Variants in EXOC4 observed in about 807,000 individuals in gnomAD.
The protein encoded by EXOC4 is exocyst complex component 4, also known as SEC8-like 1.
Under a neutral mutation model 107.2 loss-of-function variants are expected in EXOC4, and 71 were observed. That is an observed-to-expected ratio of 0.66 (90% CI 0.55 to 0.81). The LOEUF (loss-of-function observed/expected upper bound fraction) is 0.81. EXOC4 is among the 30% of genes least tolerant of loss of function. The pLI is 0.00. For synonymous variants in EXOC4, 456 were observed against 441.2 expected, an observed-to-expected ratio of 1.03 and a Z score of -0.42; for missense variants, 1,108 against 1,189.6, an observed-to-expected ratio of 0.93 and a Z score of 1.01.
At chr7:133,274,238 T>G (rs963888329) in intron 1 of EXOC4, among the ~76,000 whole-genome samples, 4 of 152,214 alleles carry the variant, frequency 2.6e-5, no homozygotes, top group Admixed American at 1.3e-4. Context: ...AATATGACCT[T>G]ATTTCCAGAC....
At chr7:133,378,795 A>G (rs1796550155) in intron 7 of EXOC4, among the ~76,000 whole-genome samples, 1 of 152,098 alleles carries the variant, frequency 6.6e-6, no homozygotes, top group Admixed American at 6.6e-5. Context: ...GAAAAAGAAC[A>G]AGGAAGAAAG....
At chr7:133,629,530 T>TTTGTTTGTTTG (rs1554481340) in intron 9 of EXOC4, among the ~76,000 whole-genome samples, 1 of 149,740 alleles carries the variant, frequency 6.7e-6, no homozygotes, top group African/African-American at 2.5e-5. Flanking sequence ...TTTTGTTTTG[T>TTTGTTTGTTTG]TTTGTTTGTT....
intron 17 of EXOC4, among the ~76,000 whole-genome samples, chr7:134,011,342 G>T (rs748141557): frequency 6.6e-6 from 1 of 152,132 alleles, no homozygotes; most frequent in Non-Finnish European, 1.5e-5. Flanking sequence ...TGTTCAAAAA[G>T]AATATCCCAG....
At chr7:133,369,580 C>G (rs529292078) in intron 6 of EXOC4, among the ~76,000 whole-genome samples, 2 of 152,168 alleles carry the variant, frequency 1.3e-5, no homozygotes, top group Admixed American at 6.5e-5. Context: ...TTTAATGATA[C>G]TCTTTCCTGG....
intron 13 of EXOC4, among the ~76,000 whole-genome samples, chr7:133,937,296 T>G (rs1800326321): frequency 6.6e-6 from 1 of 152,220 alleles, no homozygotes; most frequent in Non-Finnish European, 1.5e-5. Flanking sequence ...TTTAATTGGT[T>G]TCTTTTTCCA....
At chr7:133,685,648 G>A (rs1423692812) in intron 10 of EXOC4, among the ~76,000 whole-genome samples, 1 of 152,162 alleles carries the variant, frequency 6.6e-6, no homozygotes. Context: ...CATAGTAAAA[G>A]TAGTAAAAGA....
intron 13 of EXOC4, among the ~76,000 whole-genome samples, chr7:133,932,732 A>G (rs560182093): frequency 1.5e-4 from 23 of 152,252 alleles, no homozygotes; most frequent in East Asian, 7.7e-4. Context: ...CTTGTAACCA[A>G]TTACCACTGT....
intron 9 of EXOC4, among the ~76,000 whole-genome samples, chr7:133,485,828 A>G (rs917967958): frequency 6.6e-6 from 1 of 152,200 alleles, no homozygotes; most frequent in Non-Finnish European, 1.5e-5. Flanking sequence ...TTGTTTAAAT[A>G]AACAGACTGG....
intron 11 of EXOC4, among the ~76,000 whole-genome samples, chr7:133,855,606 C>A (rs1798358013): frequency 1.3e-5 from 2 of 151,900 alleles, no homozygotes; most frequent in Non-Finnish European, 2.9e-5. Flanking sequence ...CACTGTTAAC[C>A]ATAATAGAAT....
At chr7:133,289,837 A>G (rs1027246130) in intron 3 of EXOC4, among the ~76,000 whole-genome samples, 2 of 151,842 alleles carry the variant, frequency 1.3e-5, no homozygotes, top group Non-Finnish European at 2.9e-5. Context: ...CTTCCATCTC[A>G]TTCAGAGTTG....
intron 7 of EXOC4, among the ~76,000 whole-genome samples, chr7:133,440,438 C>T (rs1431471490): frequency 6.6e-6 from 1 of 150,910 alleles, no homozygotes; most frequent in Non-Finnish European, 1.5e-5. Flanking sequence ...TACAGTTGGT[C>T]ATCAGTGTTC....
intron 14 of EXOC4, among the ~76,000 whole-genome samples, chr7:133,974,088 G>A (rs1793766157): frequency 6.6e-6 from 1 of 152,152 alleles, no homozygotes; most frequent in Non-Finnish European, 1.5e-5. Context: ...TAACATTGTT[G>A]CATTGGGGAT....
chr7:133,510,262 T>C (rs1289277177), intron 9 of EXOC4, among the ~76,000 whole-genome samples: 2 of 152,200 alleles, frequency 1.3e-5, no homozygotes, highest in Admixed American at 1.3e-4. Flanking sequence ...AGCATAATGT[T>C]TTGAGGTTTA....
intron 7 of EXOC4, among the ~76,000 whole-genome samples, chr7:133,445,362 ATGT>A (rs1414201601): frequency 2.0e-5 from 3 of 152,310 alleles, no homozygotes; most frequent in South Asian, 2.1e-4. Context: ...AGGTAGGAAG[ATGT>A]TGTACTCTTT....
At chr7:133,836,041 T>C (rs1166930704) in intron 11 of EXOC4, among the ~76,000 whole-genome samples, 1 of 152,226 alleles carries the variant, frequency 6.6e-6, no homozygotes, top group African/African-American at 2.4e-5. Flanking sequence ...CAATTCTGTT[T>C]CCTTATTTCT....
intron 9 of EXOC4, among the ~76,000 whole-genome samples, chr7:133,594,529 T>C (rs1210583414): frequency 9.5e-6 from 1 of 105,382 alleles, no homozygotes; most frequent in African/African-American, 3.5e-5. Context: ...GGAGTCTCGC[T>C]CTTTCACCAG....
intron 9 of EXOC4, among the ~76,000 whole-genome samples, chr7:133,504,253 T>C (rs1187962252): frequency 6.6e-6 from 1 of 152,030 alleles, no homozygotes; most frequent in Non-Finnish European, 1.5e-5. Context: ...TTTATAAAAA[T>C]TGAGAAAATT....
chr7:133,266,263 G>T (rs1250853465), intron 1 of EXOC4, among the ~76,000 whole-genome samples: 1 of 152,026 alleles, frequency 6.6e-6, no homozygotes, highest in Non-Finnish European at 1.5e-5. Flanking sequence ...CAGTCCTTTT[G>T]GATTAAGGCC....
At chr7:133,725,646 G>C (rs1795199525) in intron 10 of EXOC4, among the ~76,000 whole-genome samples, 4 of 152,222 alleles carry the variant, frequency 2.6e-5, no homozygotes. Flanking sequence ...AAAGTGCTGG[G>C]ATTACAGGCG....
Sources: allele counts gnomAD v4.1 joint callset (sites outside exome capture counted in the v4.1 genomes callset), GRCh38; gene constraint gnomAD v4.1.1; transcripts MANE v1.5; gene names NCBI Gene and HGNC (gene_info 2026-07-23, HGNC 2026-07-21).